The following POLE variants were observed in gnomAD, a reference collection of about 807,000 sequenced individuals.
POLE encodes the protein DNA polymerase epsilon catalytic subunit A.
A neutral mutation model predicts 279.2 loss-of-function variants in POLE; 188 were observed. That is an observed-to-expected ratio of 0.67 (90% CI 0.60 to 0.76). The LOEUF (loss-of-function observed/expected upper bound fraction) is 0.76. Among genes scored for constraint, POLE ranks in the 30% least tolerant of loss-of-function variants. The pLI, the probability that POLE is intolerant of heterozygous loss-of-function variation, is 0.00. For synonymous variants in POLE, 1,214 were observed against 1,172.5 expected, an observed-to-expected ratio of 1.04 and a Z score of -0.72; for missense variants, 2,703 against 3,016.7, an observed-to-expected ratio of 0.90 and a Z score of 2.44.
intron 43 of POLE, chr12:132,633,005 C>G (rs1859084893): frequency 3.5e-6 from 2 of 572,834 alleles, no homozygotes; most frequent in African/African-American, 3.8e-5. Flanking sequence ...CACCTGAGTT[C>G]ATTGTCAGAG....
Position 132,632,365 on chromosome 12 carries a change from G to C in POLE, c.6280C>G (p.His2094Asp), listed in dbSNP as rs1593707742. ...AGGGCAGGGTTATTGAGCAGCAAGTGGGAACCGGGGAGGACAGGAAACATC... is the reference window on the plus strand; with the variant it reads ...AGGGCAGGGTTATTGAGCAGCAAGTCGGAACCGGGGAGGACAGGAAACATC... ...SEMFPVLPGSHLLLNNPALEF... is the reference protein window; with the variant it reads ...SEMFPVLPGSDLLLNNPALEF... Residue 2094 changes from histidine to aspartate, a missense_variant, in exon 45 of 49, where the codon CAC becomes GAC. Around this residue, in one of 5 missense-constraint regions of POLE, gnomAD observed 1,551 missense variants for 1,686.1 expected, o/e 0.92. Transcript: ENST00000320574. 1.2e-6 allele frequency: 2 copies of C among 1,614,164 alleles called. No individual in the cohort carries two copies. The highest frequency in any genetic ancestry group is 1.7e-6 in the Non-Finnish European group (2 of 1,179,974).
rs1199272042 is a variant in POLE at position 132,641,627 on chromosome 12, C to T, written c.5378+20G>A. The T allele has an allele frequency of 6.2e-7, 1 of 1,604,982 alleles. No homozygotes were observed. On this transcript the variant is annotated intron_variant, in intron 39 of 48. Coordinates refer to ENST00000320574, the MANE Select transcript of POLE (RefSeq NM_006231.4). ...TAAGACCCTTCTATTAGTAACACTC[C>T]TTCCCAGAGAGGGTGGCACCTGAAG... is the stretch of plus-strand genomic sequence containing the variant.
rs747165215 is a variant in POLE at position 132,641,646 on chromosome 12, C to A, written c.5378+1G>T. 6.2e-7 allele frequency: 1 copy of A among 1,613,356 alleles called. No homozygotes were observed. The highest frequency in any genetic ancestry group is 1.7e-5 in the Admixed American group (1 of 59,994). The stretch of plus-strand genomic sequence containing the variant: ...ACACTCCTTCCCAGAGAGGGTGGCA[C>A]CTGAAGGTGTTAGAGCACAGGGCTG... On this transcript the variant is annotated splice_donor_variant, in intron 39 of 48. Coordinates refer to ENST00000320574, the MANE Select transcript of POLE (RefSeq NM_006231.4). LOFTEE classifies it high-confidence loss of function.
At chr12:132,655,965 C>T (rs2042523957) in intron 29 of POLE, among the ~76,000 whole-genome samples, 2 of 151,882 alleles carry the variant, frequency 1.3e-5, no homozygotes, top group Admixed American at 1.3e-4. Context: ...GAGTTTGAGA[C>T]CAGCCTGGCC....
chr12:132,643,781 C>G (rs2138557011), intron 33 of POLE, 56 bp downstream of exon 33: 1 of 1,586,396 alleles, frequency 6.3e-7, no homozygotes, highest in Non-Finnish European at 8.6e-7. Flanking sequence ...TTTCTTTCCT[C>G]CATACCACCC....
Position 132,649,078 on chromosome 12 carries a change from A to C in POLE, c.4006-6T>G. 1 of 1,610,336 alleles carries C rather than the reference A, an allele frequency of 6.2e-7. No individual in the cohort carries two copies. The highest frequency in any genetic ancestry group is 8.5e-7 in the Non-Finnish European group (1 of 1,179,110). ...GCCTGGCTGGTCTCGCTGATCTGAA[A>C]GGCCACACGGACATACAGCACATCA... On this transcript the variant is annotated splice_region_variant and splice_polypyrimidine_tract_variant and intron_variant, in intron 31 of 48. Transcript: ENST00000320574.
At chr12:132,625,902 G>C in intron 46 of POLE, 132 bp from the exon 47 acceptor site, 1 of 1,299,042 alleles carries the variant, frequency 7.7e-7, no homozygotes, top group Non-Finnish European at 1.1e-6. Flanking sequence ...GCAGCTGCAC[G>C]CACTCTGGCC....
Position 132,661,467 on chromosome 12 carries a change from TA to T in POLE, c.2864+59del. ...TCCTGATCCAACCTCCTTTCTGGGC[TA>T]AATTTAATCTATCTCAATCCATGTC... On this transcript the variant is annotated intron_variant, in intron 24 of 48. Transcript: ENST00000320574. This position sits in a 1 kb window ranked among gnomAD's most constrained non-coding sequence, Gnocchi z 4.1. 6.4e-7 allele frequency: 1 copy of T among 1,566,660 alleles called. No individual in the cohort carries two copies. Among genetic ancestry groups the T allele is most frequent in the Non-Finnish European group, 8.7e-7 (1 of 1,147,588 alleles).
rs776938447 is a variant in POLE at position 132,665,290 on chromosome 12, G to A, written c.2468+12C>T. The A allele has an allele frequency of 1.9e-5, 30 of 1,609,642 alleles. No homozygotes were observed. The highest frequency in any genetic ancestry group is 9.4e-5 in the African/African-American group (7 of 74,726). The stretch of plus-strand genomic sequence containing the variant: ...CCTCCCATAAGCCTCTCCCGGGCCC[G>A]GGCCCACCTACCCCTTGCGCATGAC... On this transcript the variant is annotated intron_variant, in intron 21 of 48. Transcript: ENST00000320574.
Position 132,642,941 on chromosome 12 carries a change from A to C in POLE, c.4607T>G (p.Leu1536Arg), listed in dbSNP as rs1227353804. The C allele has an allele frequency of 1.2e-6, 2 of 1,611,950 alleles. No homozygotes were observed. The highest frequency in any genetic ancestry group is 2.2e-5 in the East Asian group (1 of 44,876). Reference sequence around the variant, plus strand: ...CTCAGGGCCCACCTTCTCCAGGAGGAGGCCGTGCTCTGCTGAGTACAGGGC... The same window carrying C: ...CTCAGGGCCCACCTTCTCCAGGAGGCGGCCGTGCTCTGCTGAGTACAGGGC... The part of the protein sequence containing the change: ...LGALYSAEHG[L>R]LLEKVGPELL... Residue 1536 changes from leucine (L) to arginine (R), a missense_variant, in exon 36 of 49, where the codon CTC becomes CGC. Physicochemically the swap from Leu to Arg is moderately radical, Grantham distance 102. Coordinates refer to ENST00000320574, the MANE Select transcript of POLE (RefSeq NM_006231.4).
intron 32 of POLE, 74 bp from the exon 33 acceptor site, chr12:132,644,051 G>A (rs537196316): frequency 1.5e-5 from 22 of 1,471,850 alleles, no homozygotes; most frequent in East Asian, 7.3e-5. Context: ...CAAAGCACAC[G>A]CTATTCGGAG....
Position 132,659,269 on chromosome 12 carries a change from C to T in POLE, c.3275+26G>A, listed in dbSNP as rs757772364. ...TGTCCGTGATGGGAGGAGCCCTCAC[C>T]TCTCCGTGATGGGGGGAGCCCTCAC... On this transcript the variant is annotated intron_variant, in intron 26 of 48. Transcript: ENST00000320574. 1.1e-4 allele frequency: 180 copies of T among 1,608,316 alleles called. 1 individual carries two copies. Among genetic ancestry groups the T allele is most frequent in the Admixed American group, 5.0e-5 (3 of 59,726 alleles).
At position 132,676,112 on chromosome 12, in the gene POLE, G is replaced by C; in HGVS notation, c.1002C>G (p.Val334=). The change falls in exon 10 of 49, where the codon GTC becomes GTG. Residue 334 remains valine (V), a synonymous_variant. Coordinates refer to ENST00000320574, the MANE Select transcript of POLE (RefSeq NM_006231.4). ...PKPEYEGPFC[V]FNEPDEAHLI... ...TCCTTACCTCATCGGGTTCATTGAA[G>C]ACACAAAAGGGGCCTTCATATTCTG... The C allele has an allele frequency of 6.2e-7, 1 of 1,606,858 alleles. No individual in the cohort carries two copies. Among genetic ancestry groups the C allele is most frequent in the Non-Finnish European group, 8.5e-7 (1 of 1,176,096 alleles).
At position 132,675,745 on chromosome 12, in the gene POLE, A is replaced by G. The variant is rs2136011040; in HGVS notation, c.1096T>C (p.Phe366Leu). The G allele has an allele frequency of 6.2e-7, 1 of 1,613,976 alleles. No individual in the cohort carries two copies. ...AAGACACAGACTCACCAGTCAAAAA[A>G]GTCCCCGTTGTAGGTGACCATGATG... ...PTIMVTYNGD[F>L]FDWPFVEARA... is the part of the protein sequence containing the mutation. Residue 366 changes from phenylalanine to leucine, a missense_variant, in exon 11 of 49, where the codon TTT becomes CTT. This residue lies in a region of POLE where 1,011 missense variants were observed against 1,111.7 expected (regional missense o/e 0.91). Transcript: ENST00000320574. The surrounding 1 kb of genome is among the most constrained non-coding windows in gnomAD (Gnocchi z 4.3).
intron 32 of POLE, 112 bp from the exon 33 acceptor site, chr12:132,644,089 G>C: frequency 9.4e-7 from 1 of 1,065,434 alleles, no homozygotes; most frequent in Non-Finnish European, 1.4e-6. Context: ...CCCTAGCGAC[G>C]GGGTACACCC....
chr12:132,643,904 T>C lies in POLE; in HGVS notation c.4223A>G (p.Gln1408Arg), dbSNP rs769798010. ...YEYSVPEDMY[Q>R]EHINEINAEL... ...AGCGTTGATCTCGTTGATGTGTTCC[T>C]GGTACATGTCCTCTGGCACTGAATA... The change falls in exon 33 of 49, where the codon CAG becomes CGG. Residue 1408 changes from glutamine (Q) to arginine (R), a missense_variant. By Grantham distance (43) the Gln-to-Arg change is conservative. Around this residue, in one of 5 missense-constraint regions of POLE, gnomAD observed 1,551 missense variants for 1,686.1 expected, o/e 0.92. Coordinates refer to ENST00000320574, the MANE Select transcript of POLE (RefSeq NM_006231.4). 2 of 1,614,168 alleles carry C rather than the reference T, an allele frequency of 1.2e-6. No homozygotes were observed. The highest frequency in any genetic ancestry group is 2.2e-5 in the South Asian group (2 of 91,082).
Position 132,643,205 on chromosome 12 carries a change from T to G in POLE, c.4551+19A>C. On this transcript the variant is annotated intron_variant, in intron 35 of 48. Coordinates refer to ENST00000320574, the MANE Select transcript of POLE (RefSeq NM_006231.4). Reference sequence around the variant, plus strand: ...CCCTGCCCCAGCCAATGTGCTGCCATGGAGGGCCCAGGACTCACAGTGTCC... The same window carrying G: ...CCCTGCCCCAGCCAATGTGCTGCCAGGGAGGGCCCAGGACTCACAGTGTCC... The G allele has an allele frequency of 6.2e-7, 1 of 1,609,170 alleles. No individual in the cohort carries two copies.
intron 29 of POLE, among the ~76,000 whole-genome samples, chr12:132,651,944 A>G (rs145972984): frequency 6.6e-6 from 1 of 152,366 alleles, no homozygotes; most frequent in African/African-American, 2.4e-5. Context: ...GTTACTTGCT[A>G]TGCAGCAATA....
At position 132,632,319 on chromosome 12, in the gene POLE, C is replaced by T; in HGVS notation, c.6326G>A (p.Cys2109Tyr). The change falls in exon 45 of 49, where the codon TGC becomes TAC. Residue 2109 changes from cysteine (C) to tyrosine (Y), a missense_variant. By Grantham distance (194) the Cys-to-Tyr change is radical. This residue lies in a region of POLE where 1,551 missense variants were observed against 1,686.1 expected (regional missense o/e 0.92). Transcript: ENST00000320574. ...CACGCACGCTGGCACTCTCACCTTG[C>T]ACACGTATTTGATGAACTCCAGGGC... ...NPALEFIKYV[C>Y]KVLSLDTNIT... The T allele has an allele frequency of 6.2e-7, 1 of 1,613,606 alleles. No individual in the cohort carries two copies. Among genetic ancestry groups the T allele is most frequent in the Non-Finnish European group, 8.5e-7 (1 of 1,179,530 alleles).
Sources: allele counts gnomAD v4.1 joint callset (sites outside exome capture counted in the v4.1 genomes callset), GRCh38; gene constraint gnomAD v4.1.1; regional missense constraint gnomAD v4.1.1; non-coding constraint Gnocchi (gnomAD v3.1); transcripts MANE v1.5; gene names NCBI Gene and HGNC (gene_info 2026-07-23, HGNC 2026-07-21).